PID1: variants seen among roughly 807,000 people sequenced by gnomAD.
PID1 encodes phosphotyrosine interaction domain containing 1.
PID1 carries 10 observed loss-of-function variants against 19.1 expected under a neutral mutation model. The ratio of observed to expected loss-of-function variants is 0.52; its 90% CI spans 0.32 to 0.89. PID1 has a LOEUF of 0.89. Among genes scored for constraint, PID1 ranks in the 40% least tolerant of loss-of-function variants. The pLI is 0.03. For synonymous variants in PID1, 130 were observed against 116.0 expected, an observed-to-expected ratio of 1.12 and a Z score of -0.78; for missense variants, 248 against 285.3, an observed-to-expected ratio of 0.87 and a Z score of 0.94.
chr2:229,177,129 C>T lies in PID1; in HGVS notation c.31-21165G>A, dbSNP rs146856558. On this transcript the variant is annotated intron_variant, in intron 1 of 2. Transcript: ENST00000392055. Reference sequence around the variant, plus strand: ...CAGATCTCATGAGACTTATTAACTACCACAAGAATAGCATGGTAAAGACCC... The same window carrying T: ...CAGATCTCATGAGACTTATTAACTATCACAAGAATAGCATGGTAAAGACCC... Among the ~76,000 whole-genome samples, 654 of 152,244 alleles carry T rather than the reference C, an allele frequency of 4.3e-3. 6 individuals carry two copies. Among genetic ancestry groups the T allele is most frequent in the African/African-American group, 0.014 (593 of 41,538 alleles).
At chr2:229,180,132 C>A (rs1470947150) in intron 1 of PID1, among the ~76,000 whole-genome samples, 1 of 152,130 alleles carries the variant, frequency 6.6e-6, no homozygotes, top group Non-Finnish European at 1.5e-5. Flanking sequence ...CTTGATGAGT[C>A]TTTGCAGAAA....
chr2:229,232,583 G>A (rs1420493473), intron 1 of PID1, among the ~76,000 whole-genome samples: 2 of 150,994 alleles, frequency 1.3e-5, no homozygotes, highest in African/African-American at 2.4e-5. Context: ...GGAAGATAAT[G>A]TCACCTAACG....
chr2:229,234,734 T>C (rs1223864496), intron 1 of PID1, among the ~76,000 whole-genome samples: 1 of 152,160 alleles, frequency 6.6e-6, no homozygotes, highest in African/African-American at 2.4e-5. Context: ...ACCCATCTCT[T>C]TAACTGAAGA....
chr2:229,262,782 G>GTGGT (rs1184858451), intron 1 of PID1: 1 of 1,551,520 alleles, frequency 6.4e-7, no homozygotes, highest in East Asian at 2.4e-5. Flanking sequence ...CTAACATCAG[G>GTGGT]TGGTTGCCAG....
intron 1 of PID1, chr2:229,232,146 G>A (rs1210996631): frequency 2.9e-5 from 42 of 1,444,234 alleles, no homozygotes; most frequent in East Asian, 2.0e-4. Flanking sequence ...CCTCTTGGCC[G>A]GGTGCAGTGG....
At chr2:229,247,207 T>C (rs528608318) in intron 1 of PID1, among the ~76,000 whole-genome samples, 4 of 152,136 alleles carry the variant, frequency 2.6e-5, no homozygotes, top group Non-Finnish European at 5.9e-5. Context: ...AAAAGAACAT[T>C]GGTTTAAAGG....
At chr2:229,113,219 T>C (rs1435810946) in intron 2 of PID1, among the ~76,000 whole-genome samples, 2 of 151,982 alleles carry the variant, frequency 1.3e-5, no homozygotes, top group East Asian at 1.9e-4. Context: ...TCATCCACTA[T>C]ATGAATTTGT....
intron 1 of PID1, among the ~76,000 whole-genome samples, chr2:229,219,313 T>C (rs1212759159): frequency 1.3e-5 from 2 of 152,068 alleles, no homozygotes; most frequent in Admixed American, 6.6e-5. Context: ...CTTACAATCA[T>C]GGCAAAAGGG....
At chr2:229,042,761 G>A (rs374290291) in intron 2 of PID1, among the ~76,000 whole-genome samples, 11 of 151,938 alleles carry the variant, frequency 7.2e-5, no homozygotes, top group Non-Finnish European at 1.3e-4. Flanking sequence ...GACTAGTCCC[G>A]TTACATTTTC....
At position 229,228,296 on chromosome 2, in the gene PID1, C is replaced by T. The variant is rs566648238; in HGVS notation, c.30+42718G>A. 6.6e-5 allele frequency among the ~76,000 whole-genome samples: 10 copies of T among 152,244 alleles called. No homozygotes were observed. In the South Asian group the frequency reaches 2.1e-3, roughly 32 times the overall value. ...ATTTTCTGTTACAATTGTTAATTCA[C>T]AAAAGGGACATTCTGTAAACTAAGT... On this transcript the variant is annotated intron_variant, in intron 1 of 2. Coordinates refer to ENST00000392055, the MANE Select transcript of PID1 (RefSeq NM_001100818.2).
At chr2:229,184,511 GTATATATATATCCCGTATA>G (rs1691058163) in intron 1 of PID1, among the ~76,000 whole-genome samples, 2 of 8,144 alleles carry the variant, frequency 2.5e-4, no homozygotes, top group Non-Finnish European at 3.9e-4. Flanking sequence ...TATATATCCC[GTATATATATATCCCGTATA>G]TATATATATA....
In PID1 at chr2:229,234,133, G is replaced by C. The variant is rs751101840; in HGVS notation, c.30+36881C>G. ...AAGGTTATGTCTTGAACTTAACTTT[G>C]AAAAATGAAGAGGAATTAGAGACAT... On this transcript the variant is annotated intron_variant, in intron 1 of 2. Transcript: ENST00000392055. 3.3e-4 allele frequency among the ~76,000 whole-genome samples: 50 copies of C among 152,136 alleles called. 1 individual carries two copies. The highest frequency in any genetic ancestry group is 6.2e-4 in the Non-Finnish European group (42 of 68,014).
At chr2:229,238,205 C>T (rs140282818) in intron 1 of PID1, among the ~76,000 whole-genome samples, 2 of 152,128 alleles carry the variant, frequency 1.3e-5, no homozygotes, top group African/African-American at 4.8e-5. Flanking sequence ...AATTGGAAAG[C>T]CTGCCTCTAA....
intron 2 of PID1, among the ~76,000 whole-genome samples, chr2:229,148,661 T>C (rs557570557): frequency 7.1e-6 from 1 of 140,786 alleles, no homozygotes; most frequent in South Asian, 2.2e-4. Flanking sequence ...GGATGTAGAA[T>C]GAAAGAAAAG....
intron 1 of PID1, among the ~76,000 whole-genome samples, chr2:229,188,311 T>C (rs996792272): frequency 2.0e-5 from 3 of 150,158 alleles, no homozygotes; most frequent in Admixed American, 1.3e-4. Context: ...TGGGATGCAT[T>C]TGCTTCTCCC....
intron 1 of PID1, among the ~76,000 whole-genome samples, chr2:229,167,339 A>G (rs2396618): frequency 0.16 from 23,868 of 152,102 alleles, 2,695 homozygotes; most frequent in East Asian, 0.38. Context: ...TACCTTGACT[A>G]AGTGACCAAA....
chr2:229,151,061 T>G (rs1408645485), intron 2 of PID1, among the ~76,000 whole-genome samples: 3 of 152,130 alleles, frequency 2.0e-5, no homozygotes, highest in African/African-American at 7.2e-5. Flanking sequence ...GAACTCAGAA[T>G]CCACTAAGGA....
At chr2:229,073,174 C>T (rs967630207) in intron 2 of PID1, among the ~76,000 whole-genome samples, 2 of 152,132 alleles carry the variant, frequency 1.3e-5, no homozygotes, top group Admixed American at 6.5e-5. Context: ...TACCGGCGCC[C>T]GCCACCACGC....
chr2:229,143,860 C>A (rs997333866), intron 2 of PID1, among the ~76,000 whole-genome samples: 1 of 152,122 alleles, frequency 6.6e-6, no homozygotes, highest in Non-Finnish European at 1.5e-5. Flanking sequence ...TTTCCGGAGG[C>A]CTCCCCAGCT....
Sources: allele counts gnomAD v4.1 joint callset (sites outside exome capture counted in the v4.1 genomes callset), GRCh38; gene constraint gnomAD v4.1.1; transcripts MANE v1.5; gene names NCBI Gene and HGNC (gene_info 2026-07-23, HGNC 2026-07-21).